ADSS2: variants seen among roughly 807,000 people sequenced by gnomAD.
The protein encoded by ADSS2 is adenylosuccinate synthetase isozyme 2.
A neutral mutation model predicts 60.0 loss-of-function variants in ADSS2; 30 were observed. That is an observed-to-expected ratio of 0.50 (90% CI 0.37 to 0.68). The LOEUF (loss-of-function observed/expected upper bound fraction) is 0.68, where lower values mean the gene tolerates loss of function less well. Among genes scored for constraint, ADSS2 ranks in the 30% least tolerant of loss-of-function variants. ADSS2 has a pLI of 0.00. For synonymous variants in ADSS2, 187 were observed against 193.1 expected (o/e 0.97, Z 0.26); for missense variants, 373 against 554.8 (o/e 0.67, Z 3.29).
At chr1:244,411,462 C>A in intron 11 of ADSS2, 26 bp from the exon 12 acceptor site, 1 of 1,601,494 alleles carries the variant, frequency 6.2e-7, no homozygotes, top group South Asian at 1.1e-5. Flanking sequence ...GACATTTATT[C>A]ATGGCACACA....
At chr1:244,411,458 TA>T (rs1248626061) in intron 11 of ADSS2, 22 bp from the exon 12 acceptor site, 1 of 1,603,224 alleles carries the variant, frequency 6.2e-7, no homozygotes, top group African/African-American at 1.3e-5. Flanking sequence ...AGAGGACATT[TA>T]TTCATGGCAC....
At chr1:244,422,785 T>C in intron 7 of ADSS2, 50 bp downstream of exon 7, 1 of 1,400,064 alleles carries the variant, frequency 7.1e-7, no homozygotes, top group Admixed American at 1.8e-5. Flanking sequence ...TAGATGCCAA[T>C]TTGGCAAACA....
At chr1:244,441,227 T>G (rs1178956986) in intron 1 of ADSS2, among the ~76,000 whole-genome samples, 2 of 152,048 alleles carry the variant, frequency 1.3e-5, no homozygotes, top group East Asian at 1.9e-4. Flanking sequence ...CCCGGCTAAT[T>G]TTTTGTATTT....
At chr1:244,447,491 A>G (rs1330250786) in intron 1 of ADSS2, among the ~76,000 whole-genome samples, 2 of 152,210 alleles carry the variant, frequency 1.3e-5, no homozygotes, top group Admixed American at 6.5e-5. Context: ...ACTAACTGCA[A>G]TAGGACATCC....
In ADSS2 at chr1:244,424,219, G is replaced by T. The variant is rs371893179; in HGVS notation, c.473+102C>A. ...ATCCTACTGATTTTCTCTAAAACAG[G>T]ATATTCTAATACTTATTTTTCTTAA... On this transcript the variant is annotated intron_variant, in intron 5 of 12. Coordinates refer to ENST00000366535, the MANE Select transcript of ADSS2 (RefSeq NM_001126.5). 1.8e-5 allele frequency: 23 copies of T among 1,275,036 alleles called. No homozygotes were observed. The East Asian group carries it at 5.4e-4, about 30-fold the overall frequency. The allele number at this position is 1,275,036 out of a possible 1,614,324, so 79.0% of individuals were successfully genotyped here. A position where few individuals can be genotyped will look rare whatever the true frequency, so the allele number is the denominator to read the frequency against.
intron 10 of ADSS2, among the ~76,000 whole-genome samples, chr1:244,417,097 T>C (rs1463015492): frequency 6.6e-6 from 1 of 152,184 alleles, no homozygotes; most frequent in Non-Finnish European, 1.5e-5. Flanking sequence ...AGCCAGGCAG[T>C]GTGCTATAGG....
At chr1:244,417,848 G>A in intron 9 of ADSS2, 96 bp from the exon 10 acceptor site, 1 of 1,175,270 alleles carries the variant, frequency 8.5e-7, no homozygotes, top group Non-Finnish European at 1.2e-6. Context: ...GCCTCTTTGA[G>A]ATAAACATCT....
At chr1:244,442,511 T>C (rs1665272995) in intron 1 of ADSS2, among the ~76,000 whole-genome samples, 1 of 152,194 alleles carries the variant, frequency 6.6e-6, no homozygotes, top group Non-Finnish European at 1.5e-5. Flanking sequence ...TGTTTCCGTA[T>C]GGAAACATTG....
chr1:244,443,651 A>G (rs1164641223), intron 1 of ADSS2, among the ~76,000 whole-genome samples: 1 of 152,222 alleles, frequency 6.6e-6, no homozygotes, highest in Non-Finnish European at 1.5e-5. Context: ...TAGCCTTTAT[A>G]CAGTACAGAT....
chr1:244,409,152 A>G lies in ADSS2; in HGVS notation c.*434T>C, dbSNP rs1664354556. On this transcript the variant is annotated 3_prime_UTR_variant, in exon 13 of 13. Coordinates refer to ENST00000366535, the MANE Select transcript of ADSS2 (RefSeq NM_001126.5). ...TTTGTTTCTAACAACAAAGATTACA[A>G]TGACAGAACTGAATGATCAGAATGT... 1 of 153,496 alleles carries G rather than the reference A, an allele frequency of 6.5e-6. No homozygotes were observed. The highest frequency in any genetic ancestry group is 1.5e-5 in the Non-Finnish European group (1 of 68,630). 9.5% of individuals were successfully genotyped at this position (153,496 alleles called of 1,614,324 possible).
chr1:244,451,126 G>T lies in ADSS2; in HGVS notation c.183+509C>A, dbSNP rs1665566621. Among the ~76,000 whole-genome samples, 1 of 152,188 alleles carries T rather than the reference G, an allele frequency of 6.6e-6. No homozygotes were observed. The highest frequency in any genetic ancestry group is 1.5e-5 in the Non-Finnish European group (1 of 68,026). On this transcript the variant is annotated intron_variant, in intron 1 of 12. Coordinates refer to ENST00000366535, the MANE Select transcript of ADSS2 (RefSeq NM_001126.5). The surrounding 1 kb of genome is among the most constrained non-coding windows in gnomAD (Gnocchi z 6.6). Reference sequence around the variant, plus strand: ...CTGCATGCCACGGTCCTGCAGATGGGGGATCGGTGAGTCTGATTTCAGGAC... The same window carrying T: ...CTGCATGCCACGGTCCTGCAGATGGTGGATCGGTGAGTCTGATTTCAGGAC...
chr1:244,428,498 AGAAGGAAGGAAG>A (rs60116651), intron 4 of ADSS2, among the ~76,000 whole-genome samples: 1 of 150,590 alleles, frequency 6.6e-6, no homozygotes. Flanking sequence ...GAGGAAGCAA[AGAAGGAAGGAAG>A]GAAGGAAGGG....
intron 1 of ADSS2, among the ~76,000 whole-genome samples, chr1:244,438,239 C>T (rs533923096): frequency 6.6e-6 from 1 of 152,178 alleles, no homozygotes; most frequent in South Asian, 2.1e-4. Flanking sequence ...AACTCTGTGA[C>T]CTGAAATTTG....
At chr1:244,435,631 C>G (rs1196002824) in intron 3 of ADSS2, among the ~76,000 whole-genome samples, 2 of 142,818 alleles carry the variant, frequency 1.4e-5, no homozygotes, top group African/African-American at 2.7e-5. Flanking sequence ...TCCTCCTCCT[C>G]TACCTCCATC....
At chr1:244,427,377 T>C (rs544249309) in intron 4 of ADSS2, among the ~76,000 whole-genome samples, 1 of 151,838 alleles carries the variant, frequency 6.6e-6, no homozygotes, top group South Asian at 2.1e-4. Context: ...AAGTTAACAG[T>C]GGAGATAATA....
At chr1:244,442,557 G>A (rs562425061) in intron 1 of ADSS2, among the ~76,000 whole-genome samples, 8 of 152,190 alleles carry the variant, frequency 5.3e-5, no homozygotes, top group African/African-American at 9.6e-5. Context: ...ATTATCCTAC[G>A]TGGGATTTAG....
intron 1 of ADSS2, among the ~76,000 whole-genome samples, chr1:244,439,765 T>C (rs2148010728): frequency 6.6e-6 from 1 of 152,276 alleles, no homozygotes; most frequent in South Asian, 2.1e-4. Flanking sequence ...CTTCCAAATT[T>C]ATTTAGGACC....
At chr1:244,441,696 C>T (rs1485529059) in intron 1 of ADSS2, among the ~76,000 whole-genome samples, 3 of 152,048 alleles carry the variant, frequency 2.0e-5, no homozygotes, top group Non-Finnish European at 2.9e-5. Flanking sequence ...GTGGCTCACA[C>T]CTGTAATCCC....
At chr1:244,445,000 C>G (rs1225511467) in intron 1 of ADSS2, among the ~76,000 whole-genome samples, 1 of 152,124 alleles carries the variant, frequency 6.6e-6, no homozygotes, top group Non-Finnish European at 1.5e-5. Flanking sequence ...CTGATCCAGG[C>G]AGGGAAACAT....
Sources: gnomAD v4.1 joint callset for allele counts (sites outside exome capture counted in the v4.1 genomes callset) on GRCh38, gnomAD v4.1.1 for gene constraint, Gnocchi (gnomAD v3.1) non-coding constraint, MANE v1.5 for transcripts, NCBI Gene and HGNC (gene_info 2026-07-23, HGNC 2026-07-21) for gene names.